Variants in WWOX observed in about 807,000 individuals in gnomAD.
The protein encoded by WWOX is WW domain containing oxidoreductase, also known as WW domain-containing oxidoreductase.
WWOX carries 69 observed loss-of-function variants against 46.2 expected under a neutral mutation model. The observed-to-expected ratio is 1.49, with a 90% confidence interval of 1.23 to 1.82. The LOEUF (loss-of-function observed/expected upper bound fraction) is 1.82. Among genes scored for constraint, WWOX ranks in the 40% most tolerant of loss-of-function variants. The pLI, the probability that WWOX is intolerant of heterozygous loss-of-function variation, is 0.00. For missense variants in WWOX, 919 were observed against 542.6 expected (o/e 1.69, Z -6.89); for synonymous variants, 359 against 202.6 (o/e 1.77, Z -6.56).
At chr16:78,357,907 T>C (rs8054901) in intron 5 of WWOX, among the ~76,000 whole-genome samples, 7,916 of 152,276 alleles carry the variant, frequency 0.052, 238 homozygotes, top group East Asian at 0.1. Context: ...GTGCCTGTTT[T>C]CTTGCCTAAG....
At chr16:78,963,533 A>G (rs574378552) in intron 8 of WWOX, among the ~76,000 whole-genome samples, 144 of 152,314 alleles carry the variant, frequency 9.5e-4, no homozygotes, top group Non-Finnish European at 1.7e-3. Flanking sequence ...CTTCACTCCT[A>G]AACACTTAAG....
chr16:78,386,717 AT>A, intron 5 of WWOX, 142 bp from the exon 6 acceptor site: 1 of 651,728 alleles, frequency 1.5e-6, no homozygotes, highest in Non-Finnish European at 2.6e-6. Flanking sequence ...TCTTCCATTC[AT>A]TCCGATGATT....
At chr16:78,505,139 G>A (rs901188433) in intron 8 of WWOX, among the ~76,000 whole-genome samples, 1 of 152,102 alleles carries the variant, frequency 6.6e-6, no homozygotes, top group Non-Finnish European at 1.5e-5. Context: ...CCACTCTTCA[G>A]AACTTCAAAT....
At chr16:78,734,316 G>A (rs1233278756) in intron 8 of WWOX, among the ~76,000 whole-genome samples, 2 of 152,050 alleles carry the variant, frequency 1.3e-5, no homozygotes, top group South Asian at 2.1e-4. Flanking sequence ...CAGGAGGGTA[G>A]CCTCAGATAT....
chr16:78,576,536 A>G (rs1355934319), intron 8 of WWOX, among the ~76,000 whole-genome samples: 1 of 152,188 alleles, frequency 6.6e-6, no homozygotes, highest in African/African-American at 2.4e-5. Flanking sequence ...AGCAGTGACC[A>G]CATAAAAATG....
intron 8 of WWOX, among the ~76,000 whole-genome samples, chr16:78,972,152 C>T (rs542091770): frequency 2.0e-5 from 3 of 152,290 alleles, no homozygotes; most frequent in African/African-American, 4.8e-5. Flanking sequence ...GGGCAGGTGG[C>T]AGAGCAACTT....
intron 8 of WWOX, among the ~76,000 whole-genome samples, chr16:79,052,977 TG>T (rs1348765754): frequency 2.4e-4 from 3 of 12,332 alleles, no homozygotes; most frequent in African/African-American, 3.7e-4. Flanking sequence ...GGGGTTGGGA[TG>T]GGGGGGTGGG....
intron 5 of WWOX, among the ~76,000 whole-genome samples, chr16:78,202,489 C>G (rs138212604): frequency 6.6e-6 from 1 of 152,306 alleles, no homozygotes; most frequent in East Asian, 1.9e-4. Flanking sequence ...CTCAAAAAAG[C>G]CATGTAGACC....
intron 5 of WWOX, among the ~76,000 whole-genome samples, chr16:78,296,651 TA>T (rs201235660): frequency 1.3e-5 from 2 of 151,200 alleles, no homozygotes; most frequent in African/African-American, 4.9e-5. Flanking sequence ...TGCAAAAAAA[TA>T]AAAAAAAATC....
Position 79,097,039 on chromosome 16 carries a change from C to T in WWOX, c.1057-114569C>T, listed in dbSNP as rs1330701931. ...TGGCATAGAAGGCATAGAAGGATCT[C>T]TTCATTTAAAAGGTCAGGTTGGATT... On this transcript the variant is annotated intron_variant, in intron 8 of 8. Transcript: ENST00000566780. Among the ~76,000 whole-genome samples, 3 of 152,026 alleles carry T rather than the reference C, an allele frequency of 2.0e-5. No individual in the cohort carries two copies. In the East Asian group the frequency reaches 5.8e-4, roughly 29 times the overall value.
chr16:78,900,205 G>C (rs980366594), intron 8 of WWOX, among the ~76,000 whole-genome samples: 8 of 151,664 alleles, frequency 5.3e-5, no homozygotes, highest in African/African-American at 1.9e-4. Flanking sequence ...ATGCAGACCT[G>C]TACATTTGTT....
In WWOX at chr16:78,342,300, C is replaced by T. The variant is rs546346524; in HGVS notation, c.517-44560C>T. Among the ~76,000 whole-genome samples the T allele has an allele frequency of 9.9e-5, 12 of 120,764 alleles. 2 individuals carry two copies. Among genetic ancestry groups the T allele is most frequent in the Non-Finnish European group, 2.0e-4 (10 of 50,536 alleles). The allele number at this position is 120,764 out of a possible 152,430, so 79.2% of individuals were successfully genotyped here. Reference sequence around the variant, plus strand: ...ACAACAAACGCTGATTTGTTCCTTTCATTACATATCCAGTGTGAGTTGGCT... The same window carrying T: ...ACAACAAACGCTGATTTGTTCCTTTTATTACATATCCAGTGTGAGTTGGCT... On this transcript the variant is annotated intron_variant, in intron 5 of 8. Transcript: ENST00000566780.
At chr16:78,903,415 C>T (rs1439514686) in intron 8 of WWOX, among the ~76,000 whole-genome samples, 3 of 152,006 alleles carry the variant, frequency 2.0e-5, no homozygotes, top group Non-Finnish European at 4.4e-5. Flanking sequence ...TGGTTGTGGG[C>T]AGCAACCCAT....
intron 8 of WWOX, among the ~76,000 whole-genome samples, chr16:78,878,222 C>G (rs1337450809): frequency 6.6e-6 from 1 of 152,126 alleles, no homozygotes; most frequent in Non-Finnish European, 1.5e-5. Flanking sequence ...AGCCACAACT[C>G]CTTAGCCTCA....
At chr16:78,303,316 A>G (rs2080075493) in intron 5 of WWOX, among the ~76,000 whole-genome samples, 1 of 152,150 alleles carries the variant, frequency 6.6e-6, no homozygotes, top group South Asian at 2.1e-4. Flanking sequence ...TGTTGGTCTC[A>G]TTGTGGTCTT....
chr16:78,461,282 A>T (rs2083940879), intron 8 of WWOX, among the ~76,000 whole-genome samples: 1 of 152,192 alleles, frequency 6.6e-6, no homozygotes. Context: ...CCCTCCCAGC[A>T]TTCTGAGTCA....
intron 4 of WWOX, among the ~76,000 whole-genome samples, chr16:78,130,671 A>G (rs2151695791): frequency 6.6e-6 from 1 of 152,272 alleles, no homozygotes; most frequent in Non-Finnish European, 1.5e-5. Context: ...CTGCAATGAA[A>G]ACTGTGTGAT....
In WWOX at chr16:79,105,560, A is replaced by G. The variant is rs368878470; in HGVS notation, c.1057-106048A>G. On this transcript the variant is annotated intron_variant, in intron 8 of 8. Transcript: ENST00000566780. ...TATTTCTAGAAATGCATATATAGCTATTTTTGCTTTTATAAAAAAAGTCAC... is the reference window on the plus strand; with the variant it reads ...TATTTCTAGAAATGCATATATAGCTGTTTTTGCTTTTATAAAAAAAGTCAC... Among the ~76,000 whole-genome samples, 11 of 151,818 alleles carry G rather than the reference A, an allele frequency of 7.2e-5. No individual in the cohort carries two copies. In the East Asian group the frequency reaches 9.7e-4, roughly 13 times the overall value.
Position 78,505,059 on chromosome 16 carries a change from A to G in WWOX, c.1056+72307A>G, listed in dbSNP as rs1432394020. ...AGTTCCTTCTCCTCCTCTAAGGGAT[A>G]TTATTGTTCCTGAATTTTTCTGAGC... is the stretch of plus-strand genomic sequence containing the variant. On this transcript the variant is annotated intron_variant, in intron 8 of 8. Coordinates refer to ENST00000566780, the MANE Select transcript of WWOX (RefSeq NM_016373.4). 2.6e-5 allele frequency among the ~76,000 whole-genome samples: 4 copies of G among 152,116 alleles called. No individual in the cohort carries two copies. The East Asian group carries it at 5.8e-4, about 22-fold the overall frequency.
Sources: allele counts gnomAD v4.1 joint callset (sites outside exome capture counted in the v4.1 genomes callset), GRCh38; gene constraint gnomAD v4.1.1; transcripts MANE v1.5; gene names NCBI Gene and HGNC (gene_info 2026-07-23, HGNC 2026-07-21).